RSPH6A: variants seen among roughly 807,000 people sequenced by gnomAD.
RSPH6A encodes radial spoke head 6 homolog A.
Under a neutral mutation model 66.1 loss-of-function variants are expected in RSPH6A, and 49 were observed. The observed-to-expected ratio is 0.74, with a 90% CI of 0.59 to 0.94. RSPH6A has a LOEUF of 0.94. RSPH6A is among the 40% of genes least tolerant of loss of function. RSPH6A has a pLI of 0.00. For synonymous variants in RSPH6A, 419 were observed against 402.4 expected, an observed-to-expected ratio of 1.04 and a Z score of -0.49; for missense variants, 977 against 948.3, an observed-to-expected ratio of 1.03 and a Z score of -0.40.
At position 45,795,888 on chromosome 19, in the gene RSPH6A, C is replaced by CCCTCCTCCTCCTCCTCGT; in HGVS notation, c.2134_2135insACGAGGAGGAGGAGGAGG (p.Glu711_Gly712insAspGluGluGluGluGlu). On this transcript the variant is annotated inframe_insertion, in exon 6 of 6. Coordinates refer to ENST00000221538, the MANE Select transcript of RSPH6A (RefSeq NM_030785.4). The stretch of plus-strand genomic sequence containing the variant: ...TGGGCCTCAGTCATCTGTCTCCTCG[C>CCCTCCTCCTCCTCCTCGT]CCTCCTCCTCCTCCTCGCCCTCCTC... 1 of 1,574,482 alleles carries CCCTCCTCCTCCTCCTCGT rather than the reference C, an allele frequency of 6.4e-7. No individual in the cohort carries two copies.
At chr19:45,813,552 C>T (rs904323437) in intron 1 of RSPH6A, among the ~76,000 whole-genome samples, 1 of 152,170 alleles carries the variant, frequency 6.6e-6, no homozygotes, top group Non-Finnish European at 1.5e-5. Context: ...GCCATGTTGG[C>T]AAGGCTGGTC....
chr19:45,804,048 G>A lies in RSPH6A; in HGVS notation c.1653+204C>T, dbSNP rs560143673. The stretch of plus-strand genomic sequence containing the variant: ...AAAAAGAAAAAAAAGAAGAAAGAAA[G>A]AAAAGAAAAAAAAATGCCTCTGTCC... On this transcript the variant is annotated intron_variant, in intron 3 of 5. Transcript: ENST00000221538. The surrounding 1 kb of genome is among the most constrained non-coding windows in gnomAD (Gnocchi z 5.8). Among the ~76,000 whole-genome samples the A allele has an allele frequency of 1.3e-4, 19 of 150,714 alleles. No homozygotes were observed. The highest frequency in any genetic ancestry group is 4.6e-4 in the African/African-American group (19 of 41,168).
rs1970513871 is a variant in RSPH6A, at chr19:45,804,482, C to G, written c.1423G>C (p.Gly475Arg). The G allele has an allele frequency of 1.2e-6, 2 of 1,614,118 alleles. No homozygotes were observed. The highest frequency in any genetic ancestry group is 1.7e-6 in the Non-Finnish European group (2 of 1,179,982). ...GCCCGCAGGTAGTTGGCCTCGTTGC[C>G]CGGGAAGGGTGGGTAGCTGACGACT... Reference protein sequence around the residue: ...TPVVSYPPFPGNEANYLRAQI... With the variant: ...TPVVSYPPFPRNEANYLRAQI... The change falls in exon 3 of 6, where the codon GGC becomes CGC. Residue 475 changes from glycine (G) to arginine (R), a missense_variant. Physicochemically the swap from Gly to Arg is moderately radical, Grantham distance 125. Transcript: ENST00000221538. This position sits in a 1 kb window ranked among gnomAD's most constrained non-coding sequence, Gnocchi z 5.8.
chr19:45,803,157 C>T (rs10414876), intron 3 of RSPH6A, among the ~76,000 whole-genome samples: 9,648 of 146,072 alleles, frequency 0.066, 413 homozygotes, highest in African/African-American at 0.11. Context: ...TGCAGTGAGC[C>T]GAGATCACGC....
Position 45,810,677 on chromosome 19 carries a change from C to T in RSPH6A, c.814G>A (p.Ala272Thr). ...GTGAACAGCGCCTTCTGTTTCTCCG[C>T]CATCTTGTAGGTGGGCTGCATCTCG... ...DPEMQPTYKMAEKQKALFTRS... is the reference protein window; with the variant it reads ...DPEMQPTYKMTEKQKALFTRS... Residue 272 changes from alanine (A) to threonine (T), a missense_variant, in exon 2 of 6, where the codon GCG becomes ACG. Transcript: ENST00000221538. 1 of 1,614,122 alleles carries T rather than the reference C, an allele frequency of 6.2e-7. No individual in the cohort carries two copies. Among genetic ancestry groups the T allele is most frequent in the Non-Finnish European group, 8.5e-7 (1 of 1,180,022 alleles).
Position 45,815,030 on chromosome 19 carries a change from G to C in RSPH6A, c.147C>G (p.Asp49Glu). 1.2e-6 allele frequency: 2 copies of C among 1,613,702 alleles called. No homozygotes were observed. Among genetic ancestry groups the C allele is most frequent in the Non-Finnish European group, 8.5e-7 (1 of 1,180,040 alleles). The change falls in exon 1 of 6, where the codon GAC becomes GAG. Residue 49 changes from aspartate (D) to glutamate (E), a missense_variant. By Grantham distance (45) the Asp-to-Glu change is conservative. Transcript: ENST00000221538. ...DPEERQQIPPDAQRNAPGWSQ... is the reference protein window; with the variant it reads ...DPEERQQIPPEAQRNAPGWSQ... ...ACCAACCAGGGGCGTTTCGCTGGGCGTCTGGAGGTATCTGCTGCCTCTCCT... is the reference window on the plus strand; with the variant it reads ...ACCAACCAGGGGCGTTTCGCTGGGCCTCTGGAGGTATCTGCTGCCTCTCCT...
intron 4 of RSPH6A, 63 bp from the exon 5 acceptor site, chr19:45,800,626 C>A (rs1385265207): frequency 2.9e-6 from 4 of 1,384,124 alleles, no homozygotes; most frequent in South Asian, 2.6e-5. Flanking sequence ...CCCTGCACTG[C>A]ACCCTGAAGG....
rs1415125391 is a variant in RSPH6A, at chr19:45,814,986, G to A, written c.191C>T (p.Ser64Phe). Residue 64 changes from serine to phenylalanine, a missense_variant, in exon 1 of 6, where the codon TCC becomes TTC. Coordinates refer to ENST00000221538, the MANE Select transcript of RSPH6A (RefSeq NM_030785.4). ...GGGCATCAGCAAGTTCTCCTGTTGG[G>A]ACAGGCTGCCCCTCTGTGACCAACC... ...APGWSQRGSLSQQENLLMPQV... is the reference protein window; with the variant it reads ...APGWSQRGSLFQQENLLMPQV... 19 of 1,613,858 alleles carry A rather than the reference G, an allele frequency of 1.2e-5. No homozygotes were observed. Among genetic ancestry groups the A allele is most frequent in the Non-Finnish European group, 1.6e-5 (19 of 1,180,050 alleles).
intron 3 of RSPH6A, among the ~76,000 whole-genome samples, chr19:45,803,201 T>TC (rs979679855): frequency 2.4e-5 from 3 of 123,422 alleles, no homozygotes; most frequent in African/African-American, 9.4e-5. Context: ...AGAGCGAGAC[T>TC]CCGTCTCAGA....
chr19:45,804,604 G>A lies in RSPH6A; in HGVS notation c.1301C>T (p.Pro434Leu), dbSNP rs765858852. 1.4e-5 allele frequency: 23 copies of A among 1,614,058 alleles called. No individual in the cohort carries two copies. The highest frequency in any genetic ancestry group is 1.3e-4 in the South Asian group (12 of 91,074). ...NKYLYFVCNE[P>L]GLPWTRLPHV... is the part of the protein sequence containing the mutation. ...GGGCAGCCGCGTCCATGGCAGGCCC[G>A]GCTCGTTGCACACAAAGTACAGGTA... is the stretch of plus-strand genomic sequence containing the variant. The change falls in exon 3 of 6, where the codon CCG becomes CTG. Residue 434 changes from proline to leucine, a missense_variant. By Grantham distance (98) the Pro-to-Leu change is moderately conservative (BLOSUM62 -3). Coordinates refer to ENST00000221538, the MANE Select transcript of RSPH6A (RefSeq NM_030785.4). The surrounding 1 kb of genome is among the most constrained non-coding windows in gnomAD (Gnocchi z 5.8).
chr19:45,814,520 T>G lies in RSPH6A; in HGVS notation c.650+7A>C. ...CCCCACCCGCCCCACTCCTAGCCCCTGCTCACAGGCTGAGGTCGCAATTGA... is the reference window on the plus strand; with the variant it reads ...CCCCACCCGCCCCACTCCTAGCCCCGGCTCACAGGCTGAGGTCGCAATTGA... On this transcript the variant is annotated splice_region_variant and intron_variant, in intron 1 of 5. Transcript: ENST00000221538. 1 of 1,156,796 alleles carries G rather than the reference T, an allele frequency of 8.6e-7. No homozygotes were observed. Among genetic ancestry groups the G allele is most frequent in the Non-Finnish European group, 1.2e-6 (1 of 850,214 alleles). 71.7% of individuals were successfully genotyped at this position (1,156,796 alleles called of 1,614,324 possible).
chr19:45,804,885 G>A lies in RSPH6A; in HGVS notation c.1020C>T (p.His340=). Residue 340 remains histidine (H), a synonymous_variant, in exon 3 of 6, where the codon CAC becomes CAT. Transcript: ENST00000221538. This position sits in a 1 kb window ranked among gnomAD's most constrained non-coding sequence, Gnocchi z 5.8. The stretch of plus-strand genomic sequence containing the variant: ...GGATCTTGCCCCAGAAGCGACAGGT[G>A]TGGATGGGCTGCTGCTCCACCAGCT... ...MKQLVEQQPI[H]TCRFWGKILG... The A allele has an allele frequency of 6.2e-7, 1 of 1,614,250 alleles. No homozygotes were observed. The highest frequency in any genetic ancestry group is 2.2e-5 in the East Asian group (1 of 44,886).
chr19:45,804,162 A>C lies in RSPH6A; in HGVS notation c.1653+90T>G. ...AACGAATGAATATTAGTTGCCCAGC[A>C]GAGAGTAAGAGCTTGATGTCAGTAT... On this transcript the variant is annotated intron_variant, in intron 3 of 5. Transcript: ENST00000221538. The surrounding 1 kb of genome is among the most constrained non-coding windows in gnomAD (Gnocchi z 5.8). 6.0e-6 allele frequency: 6 copies of C among 1,004,236 alleles called. No homozygotes were observed. Among genetic ancestry groups the C allele is most frequent in the Non-Finnish European group, 5.9e-6 (4 of 681,454 alleles). 62.2% of individuals were successfully genotyped at this position (1,004,236 alleles called of 1,614,324 possible). A position where few individuals can be genotyped will look rare whatever the true frequency, so the allele number is the denominator to read the frequency against.
chr19:45,814,914 G>A lies in RSPH6A; in HGVS notation c.263C>T (p.Pro88Leu). 6.2e-7 allele frequency: 1 copy of A among 1,614,148 alleles called. No individual in the cohort carries two copies. The highest frequency in any genetic ancestry group is 8.5e-7 in the Non-Finnish European group (1 of 1,180,038). The stretch of plus-strand genomic sequence containing the variant: ...TGAGGGAAAGCCCGTGTTCACAGAT[G>A]GGTACTCCATGCCACCCAGCCGGGC... The part of the protein sequence containing the change: ...EEARLGGMEY[P>L]SVNTGFPSEF... The change falls in exon 1 of 6, where the codon CCA (proline) becomes CTA (leucine). Residue 88 changes from proline (P) to leucine (L), a missense_variant. Pro to Leu is a moderately conservative substitution (Grantham distance 98, BLOSUM62 -3). Transcript: ENST00000221538.
At chr19:45,800,735 C>A (rs796612164) in intron 4 of RSPH6A, among the ~76,000 whole-genome samples, 172 bp from the exon 5 acceptor site, 2 of 28,202 alleles carry the variant, frequency 7.1e-5, no homozygotes, top group African/African-American at 1.6e-4. Context: ...GCAGACCACA[C>A]ACACACACAC....
intron 5 of RSPH6A, among the ~76,000 whole-genome samples, chr19:45,798,264 C>G (rs1254406722): frequency 6.6e-6 from 1 of 151,874 alleles, no homozygotes; most frequent in African/African-American, 2.4e-5. Context: ...GGGGCTGAGG[C>G]AGGAGGACGG....
In RSPH6A at chr19:45,796,084, C is replaced by A; in HGVS notation, c.1939G>T (p.Gly647Cys). The A allele has an allele frequency of 6.3e-7, 1 of 1,587,010 alleles. No homozygotes were observed. The highest frequency in any genetic ancestry group is 1.1e-5 in the South Asian group (1 of 88,496). The change falls in exon 6 of 6, where the codon GGC (glycine) becomes TGC (cysteine). Residue 647 changes from glycine to cysteine, a missense_variant. Gly to Cys is a radical substitution (Grantham distance 159). Coordinates refer to ENST00000221538, the MANE Select transcript of RSPH6A (RefSeq NM_030785.4). ...TCGGGGCTGTACTTGTGACCCCAGC[C>A]GATGTAGATGTTCTCAAACTTTCTG... is the stretch of plus-strand genomic sequence containing the variant. ...SGKKFENIYI[G>C]WGHKYSPESF...
In RSPH6A at chr19:45,795,720, G is replaced by C; in HGVS notation, c.*149C>G. 1.4e-6 allele frequency: 1 copy of C among 739,480 alleles called. No individual in the cohort carries two copies. The highest frequency in any genetic ancestry group is 4.0e-4 in the Middle Eastern group (1 of 2,480). The allele number at this position is 739,480 out of a possible 1,614,324, so 45.8% of individuals were successfully genotyped here. ...TGAATGGCTCATCCATAATGCCGTG[G>C]AGGAATTTTATTTGAAGCAGTTGCC... On this transcript the variant is annotated 3_prime_UTR_variant, in exon 6 of 6. Transcript: ENST00000221538.
intron 2 of RSPH6A, among the ~76,000 whole-genome samples, chr19:45,808,657 C>CTTTTT (rs60697395): frequency 9.6e-6 from 1 of 104,210 alleles, no homozygotes; most frequent in Non-Finnish European, 1.9e-5. Flanking sequence ...CAAAACTTAT[C>CTTTTT]TTTTTTTTTT....
Sources: gnomAD v4.1 joint callset for allele counts (sites outside exome capture counted in the v4.1 genomes callset) on GRCh38, gnomAD v4.1.1 for gene constraint, Gnocchi (gnomAD v3.1) non-coding constraint, MANE v1.5 for transcripts, NCBI Gene and HGNC (gene_info 2026-07-23, HGNC 2026-07-21) for gene names.